Variants in WDR72 observed in about 807,000 individuals in gnomAD.
The protein encoded by WDR72 is WD repeat-containing protein 72.
In WDR72, 120 loss-of-function variants were observed where a neutral mutation model predicts 124.2. The ratio of observed to expected loss-of-function variants is 0.97; its 90% CI spans 0.83 to 1.12. The LOEUF (loss-of-function observed/expected upper bound fraction) is 1.12, where lower values mean the gene tolerates loss of function less well. Among genes scored for constraint, WDR72 ranks in the 50% most tolerant of loss-of-function variants. The pLI is 0.00. For synonymous variants in WDR72, 452 were observed against 441.7 expected (o/e 1.02, Z -0.29); for missense variants, 1,387 against 1,278.8 (o/e 1.08, Z -1.29).
At position 53,615,757 on chromosome 15, in the gene WDR72, T is replaced by TA. The variant is rs1566985844; in HGVS notation, c.2448dup (p.Lys817Ter). On this transcript the variant is annotated frameshift_variant, in exon 15 of 20. Coordinates refer to ENST00000360509, the MANE Select transcript of WDR72 (RefSeq NM_182758.4). LOFTEE classifies it high-confidence loss of function. Reference sequence around the variant, plus strand: ...TGAAGCTTTAAAATATTGAGGTGCTTAATGCAAAGATAATCTAAATCTTTA... The same window carrying TA: ...TGAAGCTTTAAAATATTGAGGTGCTTAAATGCAAAGATAATCTAAATCTTTA... The TA allele has an allele frequency of 6.2e-7, 1 of 1,613,548 alleles. No homozygotes were observed. Among genetic ancestry groups the TA allele is most frequent in the East Asian group, 2.2e-5 (1 of 44,862 alleles).
At chr15:53,745,855 A>C (rs189593929) in intron 1 of WDR72, among the ~76,000 whole-genome samples, 1 of 152,290 alleles carries the variant, frequency 6.6e-6, no homozygotes, top group Admixed American at 6.5e-5. Context: ...CAAAGAAATG[A>C]GTGGCCGAGA....
chr15:53,551,943 CTA>C (rs1218649541), intron 18 of WDR72, among the ~76,000 whole-genome samples: 7 of 152,062 alleles, frequency 4.6e-5, no homozygotes, highest in African/African-American at 1.7e-4. Context: ...CAGTTGGTCT[CTA>C]TTTAGTATAA....
chr15:53,657,910 T>C (rs1219752626), intron 14 of WDR72, among the ~76,000 whole-genome samples: 1 of 152,192 alleles, frequency 6.6e-6, no homozygotes, highest in African/African-American at 2.4e-5. Context: ...TCAGTTGCTA[T>C]CTCAGCCATA....
At chr15:53,720,500 T>C (rs564036726) in intron 3 of WDR72, among the ~76,000 whole-genome samples, 22 of 152,364 alleles carry the variant, frequency 1.4e-4, no homozygotes, top group Non-Finnish European at 2.6e-4. Context: ...TGTGTTATTA[T>C]ACTTATCGTG....
intron 18 of WDR72, among the ~76,000 whole-genome samples, chr15:53,589,260 G>A (rs2012373750): frequency 6.6e-6 from 1 of 151,758 alleles, no homozygotes; most frequent in East Asian, 2.0e-4. Flanking sequence ...TCCTAGGATG[G>A]TGACTCTCAG....
At chr15:53,681,323 C>T (rs538443442) in intron 13 of WDR72, among the ~76,000 whole-genome samples, 23 of 152,212 alleles carry the variant, frequency 1.5e-4, no homozygotes, top group Admixed American at 4.6e-4. Context: ...TTCCACTAAA[C>T]GTTACAGCTG....
chr15:53,625,937 A>G (rs1042547615), intron 14 of WDR72, among the ~76,000 whole-genome samples: 1 of 152,184 alleles, frequency 6.6e-6, no homozygotes, highest in African/African-American at 2.4e-5. Flanking sequence ...CAGAAAAACA[A>G]AATGCTTAAA....
chr15:53,738,648 G>C (rs1229200724), intron 1 of WDR72, among the ~76,000 whole-genome samples: 2 of 152,180 alleles, frequency 1.3e-5, no homozygotes, highest in Non-Finnish European at 2.9e-5. Context: ...CCATGCTGAA[G>C]TGCAATGGCG....
chr15:53,569,682 T>C (rs970459027), intron 18 of WDR72, among the ~76,000 whole-genome samples: 21 of 152,196 alleles, frequency 1.4e-4, no homozygotes, highest in Admixed American at 1.0e-3. Flanking sequence ...TAAAGAGGTA[T>C]AGTTGCTGTA....
chr15:53,699,039 C>T (rs1046631872), intron 13 of WDR72, among the ~76,000 whole-genome samples: 2 of 152,098 alleles, frequency 1.3e-5, no homozygotes, highest in African/African-American at 2.4e-5. Context: ...TATAAACTAT[C>T]CAGTCTGTTA....
upstream of WDR72, among the ~76,000 whole-genome samples, chr15:53,762,033 G>A (rs185950431): frequency 1.3e-5 from 2 of 151,634 alleles, no homozygotes; most frequent in Non-Finnish European, 2.9e-5. Flanking sequence ...TTTTTTTAAG[G>A]TTTCTCAGTT....
intron 13 of WDR72, among the ~76,000 whole-genome samples, chr15:53,679,142 G>A (rs191026656): frequency 2.6e-5 from 4 of 152,296 alleles, no homozygotes; most frequent in Non-Finnish European, 5.9e-5. Flanking sequence ...AATAGCAGTT[G>A]CTAGGGAATT....
chr15:53,577,394 C>T (rs923769809), intron 18 of WDR72, among the ~76,000 whole-genome samples: 1 of 152,050 alleles, frequency 6.6e-6, no homozygotes, highest in Middle Eastern at 3.4e-3. Flanking sequence ...TGTCTTGGAC[C>T]CCATTATCTC....
Position 53,710,957 on chromosome 15 carries a change from C to G in WDR72, c.858-4G>C. 6.2e-7 allele frequency: 1 copy of G among 1,611,606 alleles called. No homozygotes were observed. The highest frequency in any genetic ancestry group is 1.1e-5 in the South Asian group (1 of 91,048). ...GTATATGCTTTTTGAAAGCCCACTGCGTGGCAAAAATAAAAAGCAAAGTTT... is the reference window on the plus strand; with the variant it reads ...GTATATGCTTTTTGAAAGCCCACTGGGTGGCAAAAATAAAAAGCAAAGTTT... On this transcript the variant is annotated splice_region_variant and splice_polypyrimidine_tract_variant and intron_variant, in intron 8 of 19. Coordinates refer to ENST00000360509, the MANE Select transcript of WDR72 (RefSeq NM_182758.4).
chr15:53,567,123 C>T (rs1894328917), intron 18 of WDR72, among the ~76,000 whole-genome samples: 1 of 151,964 alleles, frequency 6.6e-6, no homozygotes, highest in Non-Finnish European at 1.5e-5. Context: ...CCCACACCAC[C>T]TCGTATAAAT....
At chr15:53,752,881 G>A (rs1323811782) in intron 1 of WDR72, among the ~76,000 whole-genome samples, 2 of 151,586 alleles carry the variant, frequency 1.3e-5, no homozygotes, top group East Asian at 3.9e-4. Flanking sequence ...CTTGAGAAAA[G>A]AATATATTCA....
chr15:53,665,823 T>C, intron 13 of WDR72, 55 bp from the exon 14 acceptor site: 1 of 1,536,580 alleles, frequency 6.5e-7, no homozygotes, highest in Non-Finnish European at 9.0e-7. Context: ...CCCAACAGAA[T>C]AAGACAGAAC....
chr15:53,746,617 A>T (rs7174090), intron 1 of WDR72, among the ~76,000 whole-genome samples: 24 of 152,316 alleles, frequency 1.6e-4, no homozygotes, highest in African/African-American at 5.8e-4. Context: ...TTAAGTGGAG[A>T]AGAATCCCAC....
intron 18 of WDR72, among the ~76,000 whole-genome samples, chr15:53,589,478 A>T (rs1371224041): frequency 6.6e-6 from 1 of 151,922 alleles, no homozygotes; most frequent in Non-Finnish European, 1.5e-5. Flanking sequence ...TCTAAGTAAG[A>T]GATCATTTTA....
Sources: gnomAD v4.1 joint callset for allele counts (sites outside exome capture counted in the v4.1 genomes callset) on GRCh38, gnomAD v4.1.1 for gene constraint, MANE v1.5 for transcripts, NCBI Gene and HGNC (gene_info 2026-07-23, HGNC 2026-07-21) for gene names.